Variants in PPP1R9A observed in about 807,000 individuals in gnomAD.
PPP1R9A encodes the protein neurabin-1.
Under a neutral mutation model 141.9 loss-of-function variants are expected in PPP1R9A, and 59 were observed. The ratio of observed to expected loss-of-function variants is 0.42; its 90% CI spans 0.34 to 0.52. The LOEUF (loss-of-function observed/expected upper bound fraction) is 0.52, where lower values mean the gene tolerates loss of function less well. Ranked by LOEUF, PPP1R9A falls within the 20% of genes least tolerant of loss-of-function variation. The pLI is 0.10. For missense variants in PPP1R9A, 1,444 were observed against 1,611.9 expected (o/e 0.90, Z 1.78); for synonymous variants, 500 against 569.7 (o/e 0.88, Z 1.74).
intron 3 of PPP1R9A, among the ~76,000 whole-genome samples, chr7:95,112,352 C>T (rs2152449558): frequency 6.6e-6 from 1 of 152,142 alleles, no homozygotes; most frequent in Middle Eastern, 3.4e-3. Flanking sequence ...AAATCAAAAC[C>T]ACAATGAGAC....
At chr7:95,087,420 A>AT (rs1207678091) in intron 2 of PPP1R9A, among the ~76,000 whole-genome samples, 1 of 151,974 alleles carries the variant, frequency 6.6e-6, no homozygotes, top group Non-Finnish European at 1.5e-5. Context: ...AATAAAGTAA[A>AT]TTTTCTTCAT....
At chr7:95,054,583 A>C (rs1233145699) in intron 2 of PPP1R9A, among the ~76,000 whole-genome samples, 1 of 152,098 alleles carries the variant, frequency 6.6e-6, no homozygotes, top group Non-Finnish European at 1.5e-5. Context: ...TCCCAGGTGA[A>C]GTAGAAGGTG....
chr7:94,979,355 T>C (rs1028272608), intron 2 of PPP1R9A, among the ~76,000 whole-genome samples: 8 of 152,230 alleles, frequency 5.3e-5, no homozygotes, highest in Non-Finnish European at 8.8e-5. Flanking sequence ...TGAGTCTTTA[T>C]AGGAGAGTGT....
At chr7:94,961,632 G>A (rs939659493) in intron 2 of PPP1R9A, among the ~76,000 whole-genome samples, 2 of 151,790 alleles carry the variant, frequency 1.3e-5, no homozygotes, top group African/African-American at 4.8e-5. Flanking sequence ...TGCAAAAACT[G>A]TTTTGAACTA....
intron 2 of PPP1R9A, among the ~76,000 whole-genome samples, chr7:95,082,323 A>G (rs1030901803): frequency 2.0e-5 from 3 of 152,194 alleles, no homozygotes; most frequent in African/African-American, 7.2e-5. Flanking sequence ...GCATGTGTAG[A>G]GCTGTGAGCA....
At chr7:94,975,062 T>A (rs1026542877) in intron 2 of PPP1R9A, among the ~76,000 whole-genome samples, 4 of 152,176 alleles carry the variant, frequency 2.6e-5, no homozygotes, top group Non-Finnish European at 4.4e-5. Context: ...CTAGCATTTT[T>A]AAATTATTGA....
intron 2 of PPP1R9A, among the ~76,000 whole-genome samples, chr7:94,924,849 T>G (rs1393427536): frequency 1.3e-5 from 2 of 152,196 alleles, no homozygotes; most frequent in East Asian, 3.9e-4. Context: ...AAATTCTTAC[T>G]CTTAATCTAG....
rs537645094 is a variant in PPP1R9A at position 95,111,943 on chromosome 7, C to T, written c.1528+552C>T. 1.6e-3 allele frequency among the ~76,000 whole-genome samples: 241 copies of T among 151,880 alleles called. 1 individual carries two copies. The highest frequency in any genetic ancestry group is 0.014 in the Middle Eastern group (4 of 294). Reference sequence around the variant, plus strand: ...CTGCCTACTGTAGTAACTGCTGACCCGTGGGATCAGAGATTACCAGGTAAG... The same window carrying T: ...CTGCCTACTGTAGTAACTGCTGACCTGTGGGATCAGAGATTACCAGGTAAG... On this transcript the variant is annotated intron_variant, in intron 3 of 19. Transcript: ENST00000433360.
chr7:95,165,502 C>G (rs756489611), intron 5 of PPP1R9A, among the ~76,000 whole-genome samples: 3 of 152,214 alleles, frequency 2.0e-5, no homozygotes, highest in Non-Finnish European at 2.9e-5. Context: ...GCAGCTTCAG[C>G]TAACAACTGG....
chr7:95,080,483 A>G (rs1249495023), intron 2 of PPP1R9A, among the ~76,000 whole-genome samples: 2 of 152,244 alleles, frequency 1.3e-5, no homozygotes, highest in Admixed American at 1.3e-4. Flanking sequence ...ATGGGTAGGA[A>G]GAATCAATAT....
intron 2 of PPP1R9A, among the ~76,000 whole-genome samples, chr7:94,963,859 G>C (rs528608277): frequency 1.8e-4 from 24 of 130,882 alleles, no homozygotes; most frequent in African/African-American, 6.0e-4. Context: ...GCCTCATGTG[G>C]GGGCATTGTG....
rs115591217 is a variant in PPP1R9A at position 94,988,284 on chromosome 7, T to C, written c.1395+76776T>C. ...AAAAATCAAGAATATTAAAAGTCTT[T>C]TATAATTTGACAATAGATCCTCCAT... On this transcript the variant is annotated intron_variant, in intron 2 of 19. Coordinates refer to ENST00000433360, the MANE Select transcript of PPP1R9A (RefSeq NM_001166160.2). Among the ~76,000 whole-genome samples the C allele has an allele frequency of 9.5e-3, 1,452 of 152,232 alleles. 18 individuals carry two copies. The highest frequency in any genetic ancestry group is 0.033 in the African/African-American group (1,375 of 41,584).
chr7:94,956,100 A>T (rs957312171), intron 2 of PPP1R9A, among the ~76,000 whole-genome samples: 1 of 151,998 alleles, frequency 6.6e-6, no homozygotes, highest in Non-Finnish European at 1.5e-5. Context: ...TTCATCAGTG[A>T]TGCTGGTTGG....
At chr7:95,056,255 A>T (rs1171763753) in intron 2 of PPP1R9A, among the ~76,000 whole-genome samples, 1 of 152,138 alleles carries the variant, frequency 6.6e-6, no homozygotes, top group Non-Finnish European at 1.5e-5. Context: ...AAACAATTAA[A>T]TTGGAATGAC....
At chr7:95,073,621 T>C (rs1041874478) in intron 2 of PPP1R9A, among the ~76,000 whole-genome samples, 2 of 136,894 alleles carry the variant, frequency 1.5e-5, no homozygotes, top group Non-Finnish European at 3.1e-5. Flanking sequence ...CTGAAAGAAA[T>C]AAGTTTTTTT....
chr7:95,078,249 T>A (rs1439149760), intron 2 of PPP1R9A, among the ~76,000 whole-genome samples: 1 of 151,480 alleles, frequency 6.6e-6, no homozygotes, highest in Non-Finnish European at 1.5e-5. Context: ...TTTGTTCTTG[T>A]GATAGTTTAC....
chr7:95,131,991 T>C (rs1365823137), intron 4 of PPP1R9A, among the ~76,000 whole-genome samples: 5 of 152,184 alleles, frequency 3.3e-5, no homozygotes, highest in African/African-American at 1.2e-4. Flanking sequence ...GCTTTCAACA[T>C]GAGTGGTATT....
intron 4 of PPP1R9A, among the ~76,000 whole-genome samples, chr7:95,140,837 C>T (rs931876269): frequency 6.6e-6 from 1 of 152,190 alleles, no homozygotes; most frequent in African/African-American, 2.4e-5. Flanking sequence ...CCTCAGCCTC[C>T]AGAGTAACTG....
At chr7:95,070,863 G>A (rs1813721445) in intron 2 of PPP1R9A, among the ~76,000 whole-genome samples, 1 of 151,754 alleles carries the variant, frequency 6.6e-6, no homozygotes, top group South Asian at 2.1e-4. Flanking sequence ...CTATCATATG[G>A]AAAGAGAATA....
Sources: gnomAD v4.1 joint callset for allele counts (sites outside exome capture counted in the v4.1 genomes callset) on GRCh38, gnomAD v4.1.1 for gene constraint, MANE v1.5 for transcripts, NCBI Gene and HGNC (gene_info 2026-07-23, HGNC 2026-07-21) for gene names.